NXN: variants seen among roughly 807,000 people sequenced by gnomAD.
The protein encoded by NXN is nucleoredoxin 1.
NXN carries 16 observed loss-of-function variants against 48.6 expected under a neutral mutation model. The ratio of observed to expected loss-of-function variants is 0.33; its 90% CI spans 0.22 to 0.50. The LOEUF is 0.50. Ranked by LOEUF, NXN falls within the 20% of genes least tolerant of loss-of-function variation. The pLI is 0.98. For missense variants in NXN, 492 were observed against 605.5 expected (o/e 0.81, Z 1.97); for synonymous variants, 281 against 269.6 (o/e 1.04, Z -0.41).
At chr17:860,160 G>C (rs1156745933) in intron 1 of NXN, among the ~76,000 whole-genome samples, 2 of 152,162 alleles carry the variant, frequency 1.3e-5, no homozygotes, top group Non-Finnish European at 2.9e-5. Context: ...GTCTTGCTCT[G>C]TTGCCTAGGT....
Position 800,403 on chromosome 17 carries a change from T to C in NXN, c.*546A>G, listed in dbSNP as rs1157743976. 6.6e-6 allele frequency: 1 copy of C among 152,346 alleles called. No homozygotes were observed. Among genetic ancestry groups the C allele is most frequent in the African/African-American group, 2.4e-5 (1 of 41,474 alleles). The allele number at this position is 152,346 out of a possible 1,614,324, so 9.4% of individuals were successfully genotyped here. A position where few individuals can be genotyped will look rare whatever the true frequency, so the allele number is the denominator to read the frequency against. ...ACCTCTACAAGCTTCCTTTTGCATT[T>C]GGAGATCCCCTGCCTGAGAACACAA... On this transcript the variant is annotated 3_prime_UTR_variant, in exon 8 of 8. Coordinates refer to ENST00000336868, the MANE Select transcript of NXN (RefSeq NM_022463.5).
At chr17:869,626 A>T (rs1177858203) in intron 1 of NXN, among the ~76,000 whole-genome samples, 1 of 152,240 alleles carries the variant, frequency 6.6e-6, no homozygotes, top group Non-Finnish European at 1.5e-5. Flanking sequence ...GGTTTCAATG[A>T]AATCACTCAG....
chr17:885,738 T>A (rs751707843), intron 1 of NXN, among the ~76,000 whole-genome samples: 4 of 134,704 alleles, frequency 3.0e-5, no homozygotes, highest in Non-Finnish European at 4.6e-5. Flanking sequence ...TGGAGTGCAG[T>A]GGCGCAATCT....
At chr17:979,248 G>GGGCGTGGGGGGCGGGCAGGGGTAACT in intron 1 of NXN, 71 bp downstream of exon 1, 1 of 1,168,510 alleles carries the variant, frequency 8.6e-7, no homozygotes, top group Non-Finnish European at 1.1e-6. Context: ...CAGGGGTAAC[G>GGGCGTGGGGGGCGGGCAGGGGTAACT]GGCGTGGGGG....
At chr17:888,152 C>T (rs1341628686) in intron 1 of NXN, among the ~76,000 whole-genome samples, 1 of 151,740 alleles carries the variant, frequency 6.6e-6, no homozygotes, top group Non-Finnish European at 1.5e-5. Flanking sequence ...TAAGGGACTT[C>T]TCATGCAATA....
intron 1 of NXN, chr17:864,028 C>T (rs1015233370): frequency 1.8e-5 from 28 of 1,528,566 alleles, no homozygotes; most frequent in Admixed American, 9.9e-5. Flanking sequence ...TGCTGGGTTC[C>T]GGTGAAGGGA....
intron 1 of NXN, among the ~76,000 whole-genome samples, chr17:869,116 A>C (rs1223896323): frequency 2.6e-5 from 4 of 152,094 alleles, no homozygotes; most frequent in Non-Finnish European, 5.9e-5. Context: ...GAACCTCTAG[A>C]CTTGGGTGAA....
intron 1 of NXN, among the ~76,000 whole-genome samples, chr17:928,316 A>G (rs144806389): frequency 2.0e-5 from 3 of 152,294 alleles, no homozygotes; most frequent in African/African-American, 7.2e-5. Flanking sequence ...TGCCAAGCAC[A>G]TCTGACTTCA....
At chr17:812,129 G>A (rs2474689) in intron 5 of NXN, among the ~76,000 whole-genome samples, 88,179 of 148,918 alleles carry the variant, frequency 0.59, 26,595 homozygotes, top group East Asian at 0.84. Context: ...GGGTTTCACC[G>A]TGTTAGCCAG....
At chr17:818,746 C>T (rs1393844058) in intron 5 of NXN, among the ~76,000 whole-genome samples, 3 of 151,654 alleles carry the variant, frequency 2.0e-5, no homozygotes, top group African/African-American at 4.8e-5. Context: ...TTTAGCCGGG[C>T]GTGTGGTGGG....
intron 1 of NXN, among the ~76,000 whole-genome samples, chr17:882,476 T>TTTG (rs1379378607): frequency 6.6e-6 from 1 of 151,868 alleles, no homozygotes; most frequent in Non-Finnish European, 1.5e-5. Flanking sequence ...TTTGTTTTGT[T>TTTG]TTGTTTTGAG....
chr17:827,896 G>T (rs1913220322), intron 1 of NXN, among the ~76,000 whole-genome samples: 1 of 152,168 alleles, frequency 6.6e-6, no homozygotes, highest in Admixed American at 6.5e-5. Context: ...GAAGCGGTGA[G>T]GGGCAGGGCA....
At chr17:808,155 C>T (rs1197764395) in intron 5 of NXN, among the ~76,000 whole-genome samples, 4 of 152,114 alleles carry the variant, frequency 2.6e-5, no homozygotes, top group Non-Finnish European at 4.4e-5. Flanking sequence ...TTAACCAGGG[C>T]GGGGAAGTCC....
chr17:923,310 T>G (rs1311710208), intron 1 of NXN, among the ~76,000 whole-genome samples: 3 of 152,056 alleles, frequency 2.0e-5, no homozygotes, highest in African/African-American at 7.2e-5. Context: ...AATAACCACG[T>G]TGGTGCAATT....
intron 1 of NXN, chr17:863,960 C>A (rs1455396059): frequency 1.3e-6 from 2 of 1,533,996 alleles, no homozygotes; most frequent in Non-Finnish European, 1.7e-6. Flanking sequence ...TGCCTGGGAA[C>A]TGAGTGAGGA....
At chr17:902,054 C>T (rs1567855671) in intron 1 of NXN, among the ~76,000 whole-genome samples, 1 of 152,162 alleles carries the variant, frequency 6.6e-6, no homozygotes, top group Non-Finnish European at 1.5e-5. Context: ...GTGAGCTGGA[C>T]AGCCACACGG....
rs532523908 is a variant in NXN, at chr17:917,672, G to T, written c.360+61647C>A. ...CATCTCAACCCAATGTAGGCCACCC[G>T]CTGCAGGCGAGCTTCCCTACCCAAT... On this transcript the variant is annotated intron_variant, in intron 1 of 7. Transcript: ENST00000336868. The surrounding 1 kb of genome is among the most constrained non-coding windows in gnomAD (Gnocchi z 4.5). Among the ~76,000 whole-genome samples the T allele has an allele frequency of 6.6e-6, 1 of 152,206 alleles. No individual in the cohort carries two copies. Among genetic ancestry groups the T allele is most frequent in the Admixed American group, 6.5e-5 (1 of 15,278 alleles).
chr17:925,488 A>G (rs533874869), intron 1 of NXN, among the ~76,000 whole-genome samples: 4 of 152,328 alleles, frequency 2.6e-5, no homozygotes, highest in Non-Finnish European at 4.4e-5. Flanking sequence ...TCCCGGGTTC[A>G]AGCGATTCTC....
rs1357621426 is a variant in NXN, at chr17:812,923, TGC to T, written c.820+6514_820+6515del. Reference sequence around the variant, plus strand: ...GTGTGCATGTGTGACTGTAGGTGTGTGCGTGTGTGAGTGTGCATATGTGTGAG... The same window carrying T: ...GTGTGCATGTGTGACTGTAGGTGTGTGTGTGTGAGTGTGCATATGTGTGAG... On this transcript the variant is annotated intron_variant, in intron 5 of 7. Coordinates refer to ENST00000336868, the MANE Select transcript of NXN (RefSeq NM_022463.5). Among the ~76,000 whole-genome samples, 86 of 149,292 alleles carry T rather than the reference TGC, an allele frequency of 5.8e-4. 1 individual carries two copies. The highest frequency in any genetic ancestry group is 1.8e-3 in the African/African-American group (73 of 40,282).
Sources: gnomAD v4.1 joint callset for allele counts (sites outside exome capture counted in the v4.1 genomes callset) on GRCh38, gnomAD v4.1.1 for gene constraint, Gnocchi (gnomAD v3.1) non-coding constraint, MANE v1.5 for transcripts, NCBI Gene and HGNC (gene_info 2026-07-23, HGNC 2026-07-21) for gene names.